The following POLE variants were observed in gnomAD, a reference collection of about 807,000 sequenced individuals.
The protein encoded by POLE is DNA polymerase epsilon, catalytic subunit, also known as DNA polymerase epsilon catalytic subunit A.
Under a neutral mutation model 279.2 loss-of-function variants are expected in POLE, and 188 were observed. The ratio of observed to expected loss-of-function variants is 0.67; its 90% CI spans 0.60 to 0.76. The LOEUF (loss-of-function observed/expected upper bound fraction) is 0.76, where lower values mean the gene tolerates loss of function less well. Among genes scored for constraint, POLE ranks in the 30% least tolerant of loss-of-function variants. The pLI is 0.00. For synonymous variants in POLE, 1,214 were observed against 1,172.5 expected (o/e 1.04, Z -0.72); for missense variants, 2,703 against 3,016.7 (o/e 0.90, Z 2.44).
chr12:132,676,524 T>G, intron 9 of POLE, 22 bp downstream of exon 9: 1 of 1,521,584 alleles, frequency 6.6e-7, no homozygotes, highest in South Asian at 1.1e-5. Context: ...AGGAGCTTAC[T>G]TCCCAGAAGC....
intron 42 of POLE, 134 bp downstream of exon 42, chr12:132,635,758 C>G: frequency 1.2e-6 from 1 of 847,978 alleles, no homozygotes; most frequent in East Asian, 2.6e-5. Context: ...TCCCCGTGTT[C>G]ATGAGGGCAG....
At chr12:132,663,723 G>A (rs1186057273) in intron 23 of POLE, among the ~76,000 whole-genome samples, 3 of 152,186 alleles carry the variant, frequency 2.0e-5, no homozygotes, top group Non-Finnish European at 4.4e-5. Flanking sequence ...CAGGTTGAAG[G>A]GGATACAGAA....
At chr12:132,659,700 A>C (rs1204085561) in intron 25 of POLE, 191 bp from the exon 26 acceptor site, 2 of 584,454 alleles carry the variant, frequency 3.4e-6, no homozygotes, top group Admixed American at 3.1e-5. Context: ...TTTAGCTTTT[A>C]TATTTTTTTT....
intron 32 of POLE, among the ~76,000 whole-genome samples, chr12:132,644,804 G>A (rs2042240585): frequency 1.3e-5 from 1 of 76,440 alleles, no homozygotes; most frequent in Non-Finnish European, 2.7e-5. Context: ...GGGTCTGGGA[G>A]AGCTGGAGAG....
Position 132,634,416 on chromosome 12 carries a change from T to C in POLE, c.5812-38A>G, listed in dbSNP as rs910528018. The C allele has an allele frequency of 1.9e-6, 3 of 1,585,014 alleles. No homozygotes were observed. In the African/African-American group the frequency reaches 4.0e-5, roughly 21 times the overall value. On this transcript the variant is annotated intron_variant, in intron 42 of 48. Transcript: ENST00000320574. This position sits in a 1 kb window ranked among gnomAD's most constrained non-coding sequence, Gnocchi z 4.0. ...AGACAACGCGGCTGTGTTTGCACCA[T>C]CGCGGCCTGGTAGAGGGGTAGGATG...
chr12:132,645,785 G>GACACACAC (rs1046016382), intron 32 of POLE, among the ~76,000 whole-genome samples: 1 of 118,582 alleles, frequency 8.4e-6, no homozygotes, highest in Non-Finnish European at 1.7e-5. Flanking sequence ...AAATTAGACC[G>GACACACAC]ACACACACAC....
chr12:132,679,769 G>A, intron 5 of POLE, 118 bp from the exon 6 acceptor site: 1 of 1,223,740 alleles, frequency 8.2e-7, no homozygotes, highest in South Asian at 1.4e-5. Flanking sequence ...AAGGCACCTT[G>A]TCCAACTCTG....
intron 20 of POLE, among the ~76,000 whole-genome samples, chr12:132,666,317 G>A (rs1243431596): frequency 6.6e-6 from 1 of 152,278 alleles, no homozygotes; most frequent in Non-Finnish European, 1.5e-5. Flanking sequence ...ACTGGGCGCG[G>A]TGGCTCACGC....
rs1593721351 is a variant in POLE at position 132,639,046 on chromosome 12, C to A, written c.5552+79G>T. 1 of 1,239,578 alleles carries A rather than the reference C, an allele frequency of 8.1e-7. No homozygotes were observed. Among genetic ancestry groups the A allele is most frequent in the Non-Finnish European group, 1.2e-6 (1 of 851,170 alleles). 76.8% of individuals were successfully genotyped at this position (1,239,578 alleles called of 1,614,324 possible). ...TACTTATCCCAGAGGCACTGGCTGG[C>A]CATGTCTCTGGTTCTGGGGAGTAAG... On this transcript the variant is annotated intron_variant, in intron 40 of 48. Transcript: ENST00000320574. The surrounding 1 kb of genome is among the most constrained non-coding windows in gnomAD (Gnocchi z 4.7).
Position 132,677,739 on chromosome 12 carries a change from C to T in POLE, c.579-20G>A, listed in dbSNP as rs2043089374. The T allele has an allele frequency of 1.9e-6, 3 of 1,611,138 alleles. No homozygotes were observed. The highest frequency in any genetic ancestry group is 8.5e-7 in the Non-Finnish European group (1 of 1,178,112). ...AGAACACTAGGAATTAACAAGAGAG[C>T]AACTAACTCAGCTGCCAGGGTCTGG... On this transcript the variant is annotated intron_variant, in intron 6 of 48. Coordinates refer to ENST00000320574, the MANE Select transcript of POLE (RefSeq NM_006231.4).
At chr12:132,652,493 C>G (rs921093756) in intron 29 of POLE, among the ~76,000 whole-genome samples, 1 of 151,372 alleles carries the variant, frequency 6.6e-6, no homozygotes, top group Non-Finnish European at 1.5e-5. Flanking sequence ...AATGTTGTGC[C>G]GGATTTTTTT....
rs1307482390 is a variant in POLE, at chr12:132,634,556, C to A, written c.5812-178G>T. On this transcript the variant is annotated intron_variant, in intron 42 of 48. Coordinates refer to ENST00000320574, the MANE Select transcript of POLE (RefSeq NM_006231.4). This position sits in a 1 kb window ranked among gnomAD's most constrained non-coding sequence, Gnocchi z 4.0. ...GAATCCCCCAGGGTGGCTCCCAGTA[C>A]AAAGTGCTTTGTGGGAAGCGCCTGG... Among the ~76,000 whole-genome samples the A allele has an allele frequency of 6.6e-6, 1 of 152,196 alleles. No homozygotes were observed. The highest frequency in any genetic ancestry group is 6.5e-5 in the Admixed American group (1 of 15,288).
Position 132,677,776 on chromosome 12 carries a change from C to A in POLE, c.579-57G>T, listed in dbSNP as rs545339905. On this transcript the variant is annotated intron_variant, in intron 6 of 48. Coordinates refer to ENST00000320574, the MANE Select transcript of POLE (RefSeq NM_006231.4). Reference sequence around the variant, plus strand: ...CTGCCAGGGTCTGGAGGAGGTGAGACCAGAGTTCCAACTCAGTAGGAAGAG... The same window carrying A: ...CTGCCAGGGTCTGGAGGAGGTGAGAACAGAGTTCCAACTCAGTAGGAAGAG... 7.7e-6 allele frequency: 12 copies of A among 1,548,996 alleles called. No homozygotes were observed. In the South Asian group the frequency reaches 1.3e-4, roughly 16 times the overall value.
At position 132,648,925 on chromosome 12, in the gene POLE, C is replaced by T. The variant is rs1265596566; in HGVS notation, c.4149+4G>A. ...CTGCAGAGGCAGCACCAGCTCCTCCCTACCTTGCGATACGAAGCACCCTCC... is the reference window on the plus strand; with the variant it reads ...CTGCAGAGGCAGCACCAGCTCCTCCTTACCTTGCGATACGAAGCACCCTCC... On this transcript the variant is annotated splice_donor_region_variant and intron_variant, in intron 32 of 48. Coordinates refer to ENST00000320574, the MANE Select transcript of POLE (RefSeq NM_006231.4). 6.2e-7 allele frequency: 1 copy of T among 1,610,540 alleles called. No homozygotes were observed. Among genetic ancestry groups the T allele is most frequent in the Non-Finnish European group, 8.5e-7 (1 of 1,177,688 alleles).
intron 29 of POLE, among the ~76,000 whole-genome samples, chr12:132,655,410 T>C (rs186024273): frequency 2.6e-5 from 4 of 152,366 alleles, no homozygotes; most frequent in Admixed American, 6.5e-5. Context: ...CATTATTTTA[T>C]GTATTCTTGA....
rs112682049 is a variant in POLE, at chr12:132,676,385, G to A, written c.909+161C>T. On this transcript the variant is annotated intron_variant, in intron 9 of 48. Coordinates refer to ENST00000320574, the MANE Select transcript of POLE (RefSeq NM_006231.4). Reference sequence around the variant, plus strand: ...GTGTGTGGATTCCCACTCGAAAGGGGAGGGTACAGCTGGAGGTCGGAACGG... The same window carrying A: ...GTGTGTGGATTCCCACTCGAAAGGGAAGGGTACAGCTGGAGGTCGGAACGG... 15 of 712,576 alleles carry A rather than the reference G, an allele frequency of 2.1e-5. No individual in the cohort carries two copies. The East Asian group carries it at 3.2e-4, about 15-fold the overall frequency. The allele number at this position is 712,576 out of a possible 1,614,324, so 44.1% of individuals were successfully genotyped here.
intron 30 of POLE, 32 bp downstream of exon 30, chr12:132,649,643 CAG>C: frequency 6.2e-7 from 1 of 1,611,454 alleles, no homozygotes; most frequent in Non-Finnish European, 8.5e-7. Context: ...GCAGACCCCT[CAG>C]AGACAGACAG....
intron 1 of POLE, among the ~76,000 whole-genome samples, chr12:132,682,078 G>A (rs971822846): frequency 1.3e-5 from 2 of 152,060 alleles, no homozygotes; most frequent in East Asian, 1.9e-4. Flanking sequence ...GGCGGATCAC[G>A]AGGTGAGGAG....
chr12:132,651,589 A>AC (rs1340566328), intron 29 of POLE, among the ~76,000 whole-genome samples: 5 of 152,118 alleles, frequency 3.3e-5, no homozygotes. Context: ...AACGACCCCC[A>AC]CTTCCTGGTG....
Sources: allele counts gnomAD v4.1 joint callset (sites outside exome capture counted in the v4.1 genomes callset), GRCh38; gene constraint gnomAD v4.1.1; non-coding constraint Gnocchi (gnomAD v3.1); transcripts MANE v1.5; gene names NCBI Gene and HGNC (gene_info 2026-07-23, HGNC 2026-07-21).